ASPA: variants seen among roughly 807,000 people sequenced by gnomAD.
The protein encoded by ASPA is aspartoacylase, also known as ACY-2.
Under a neutral mutation model 29.6 loss-of-function variants are expected in ASPA, and 25 were observed. That is an observed-to-expected ratio of 0.85 (90% CI 0.62 to 1.18). The LOEUF (loss-of-function observed/expected upper bound fraction) is 1.18. Ranked by LOEUF, ASPA falls within the 50% of genes most tolerant of loss-of-function variation. The probability of loss-of-function intolerance (pLI) is 0.00; values close to 1 mark genes in which losing one functional copy is unlikely to be tolerated. For synonymous variants in ASPA, 131 were observed against 130.3 expected (o/e 1.01, Z -0.04); for missense variants, 333 against 385.7 (o/e 0.86, Z 1.14).
intron 4 of ASPA, among the ~76,000 whole-genome samples, chr17:3,491,261 C>A (rs902339754): frequency 6.6e-6 from 1 of 152,066 alleles, no homozygotes; most frequent in Non-Finnish European, 1.5e-5. Flanking sequence ...ACATCAGGGA[C>A]CAAAGTTTTG....
At chr17:3,495,119 TAGG>T in intron 5 of ASPA, among the ~76,000 whole-genome samples, 2 of 150,786 alleles carry the variant, frequency 1.3e-5, no homozygotes, top group East Asian at 3.9e-4. Flanking sequence ...TGAGAGAATG[TAGG>T]AGGTTTAAAT....
At chr17:3,491,609 G>A (rs2073825250) in intron 4 of ASPA, among the ~76,000 whole-genome samples, 1 of 152,062 alleles carries the variant, frequency 6.6e-6, no homozygotes, top group Non-Finnish European at 1.5e-5. Flanking sequence ...TTAGCTGGGT[G>A]TGGTGGCATG....
Position 3,490,294 on chromosome 17 carries a change from G to A in ASPA, c.634+952G>A, listed in dbSNP as rs372838861. 8.1e-4 allele frequency among the ~76,000 whole-genome samples: 124 copies of A among 152,268 alleles called. No homozygotes were observed. Among genetic ancestry groups the A allele is most frequent in the Middle Eastern group, 3.4e-3 (1 of 294 alleles). On this transcript the variant is annotated intron_variant, in intron 4 of 5. Transcript: ENST00000263080. This position sits in a 1 kb window ranked among gnomAD's most constrained non-coding sequence, Gnocchi z 4.6. The stretch of plus-strand genomic sequence containing the variant: ...GGACTGGTGGACAAGGTGGGTATAT[G>A]CAGCTCTATGCACTATCTGCTCATT...
Position 3,503,071 on chromosome 17 carries a change from A to C in ASPA, c.*3983A>C, listed in dbSNP as rs1254559238. On this transcript the variant is annotated 3_prime_UTR_variant, in exon 6 of 6. Transcript: ENST00000263080. ...CGCCGCCCCCTCCCTCTCCAGCCCC[A>C]CCAGGGCCCTCCCCGCCATCCTCTT... 1 of 151,910 alleles carries C rather than the reference A, an allele frequency of 6.6e-6. No individual in the cohort carries two copies. Among genetic ancestry groups the C allele is most frequent in the Non-Finnish European group, 1.5e-5 (1 of 67,984 alleles). The allele number at this position is 151,910 out of a possible 1,614,324, so 9.4% of individuals were successfully genotyped here.
rs1253484850 is a variant in ASPA at position 3,502,337 on chromosome 17, G to C, written c.*3249G>C. On this transcript the variant is annotated 3_prime_UTR_variant, in exon 6 of 6. Transcript: ENST00000263080. ...ACTGGAAAATCAAAAAATATGTGTGGCTCATCTGTTATAATGTTTGTTTTA... is the reference window on the plus strand; with the variant it reads ...ACTGGAAAATCAAAAAATATGTGTGCCTCATCTGTTATAATGTTTGTTTTA... 1 of 152,218 alleles carries C rather than the reference G, an allele frequency of 6.6e-6. No homozygotes were observed. Among genetic ancestry groups the C allele is most frequent in the African/African-American group, 2.4e-5 (1 of 41,444 alleles). 9.4% of individuals were successfully genotyped at this position (152,218 alleles called of 1,614,324 possible). A position where few individuals can be genotyped will look rare whatever the true frequency, so the allele number is the denominator to read the frequency against.
chr17:3,483,397 T>C, intron 2 of ASPA, 102 bp from the exon 3 acceptor site: 1 of 969,090 alleles, frequency 1.0e-6, no homozygotes, highest in East Asian at 2.4e-5. Context: ...CCAATCTTAG[T>C]TGATGAAGTA....
chr17:3,482,662 T>C (rs2073650569), intron 2 of ASPA, among the ~76,000 whole-genome samples: 1 of 152,204 alleles, frequency 6.6e-6, no homozygotes, highest in Admixed American at 6.5e-5. Context: ...ATTTAAAACA[T>C]TTAGCCTCAT....
chr17:3,493,560 C>CAAAAAAAAAAAAA (rs746229421), intron 4 of ASPA, among the ~76,000 whole-genome samples: 1 of 56,370 alleles, frequency 1.8e-5, no homozygotes, highest in African/African-American at 7.4e-5. Flanking sequence ...GGTTCCATCT[C>CAAAAAAAAAAAAA]AAAAAAAAAA....
intron 3 of ASPA, among the ~76,000 whole-genome samples, chr17:3,487,283 TA>T (rs1252987959): frequency 6.6e-6 from 1 of 152,252 alleles, no homozygotes; most frequent in African/African-American, 2.4e-5. Context: ...ATTGTCTCTC[TA>T]ATGTTAAACA....
In ASPA at chr17:3,490,571, T is replaced by C. The variant is rs1473440505; in HGVS notation, c.634+1229T>C. On this transcript the variant is annotated intron_variant, in intron 4 of 5. Transcript: ENST00000263080. This position sits in a 1 kb window ranked among gnomAD's most constrained non-coding sequence, Gnocchi z 4.6. ...CCACTGCAATCACAGACATTCGTTTTGTGCTTGGGAATCCTTTGACTCCAA... is the reference window on the plus strand; with the variant it reads ...CCACTGCAATCACAGACATTCGTTTCGTGCTTGGGAATCCTTTGACTCCAA... Among the ~76,000 whole-genome samples the C allele has an allele frequency of 2.0e-5, 3 of 152,314 alleles. No homozygotes were observed. The highest frequency in any genetic ancestry group is 2.1e-4 in the South Asian group (1 of 4,828).
intron 1 of ASPA, among the ~76,000 whole-genome samples, chr17:3,477,264 T>G (rs2073541574): frequency 6.6e-6 from 1 of 152,220 alleles, no homozygotes; most frequent in Non-Finnish European, 1.5e-5. Flanking sequence ...ATACCAGAGA[T>G]GAGAACTAAA....
chr17:3,482,599 T>G (rs1342694429), intron 2 of ASPA, among the ~76,000 whole-genome samples: 1 of 152,148 alleles, frequency 6.6e-6, no homozygotes, highest in Admixed American at 6.5e-5. Context: ...ATTGGTGTCA[T>G]AACAAACAAC....
chr17:3,489,202 T>C (rs372085439), intron 3 of ASPA, 33 bp from the exon 4 acceptor site: 111 of 1,261,170 alleles, frequency 8.8e-5, no homozygotes, highest in Middle Eastern at 2.6e-4. Context: ...TTCATACTTA[T>C]ATAAATGTGA....
chr17:3,482,202 T>C (rs1338409428), intron 2 of ASPA, among the ~76,000 whole-genome samples: 2 of 152,210 alleles, frequency 1.3e-5, no homozygotes, highest in African/African-American at 4.8e-5. Context: ...TTAAATGGTA[T>C]GGGATCTCAA....
Position 3,485,383 on chromosome 17 carries a change from C to T in ASPA, c.526+1791C>T, listed in dbSNP as rs572355445. 6.6e-6 allele frequency among the ~76,000 whole-genome samples: 1 copy of T among 152,226 alleles called. No homozygotes were observed. The highest frequency in any genetic ancestry group is 2.4e-5 in the African/African-American group (1 of 41,538). On this transcript the variant is annotated intron_variant, in intron 3 of 5. Transcript: ENST00000263080. This position sits in a 1 kb window ranked among gnomAD's most constrained non-coding sequence, Gnocchi z 4.4. Reference sequence around the variant, plus strand: ...TTATCCATTCCTTCCCATGCAGGTTCTATAACTATAACCATATATAAAATA... The same window carrying T: ...TTATCCATTCCTTCCCATGCAGGTTTTATAACTATAACCATATATAAAATA...
chr17:3,486,820 G>GC (rs965785772), intron 3 of ASPA, among the ~76,000 whole-genome samples: 4 of 152,140 alleles, frequency 2.6e-5, no homozygotes, highest in African/African-American at 9.7e-5. Flanking sequence ...ATCTTTATAT[G>GC]CCATCTTTGG....
chr17:3,489,742 A>G (rs766180952), intron 4 of ASPA, among the ~76,000 whole-genome samples: 20 of 152,228 alleles, frequency 1.3e-4, no homozygotes, highest in Admixed American at 4.6e-4. Context: ...GGAAACTCTC[A>G]TTACCTGCTG....
chr17:3,488,442 C>T lies in ASPA; in HGVS notation c.527-793C>T, dbSNP rs150063941. Among the ~76,000 whole-genome samples the T allele has an allele frequency of 3.7e-3, 559 of 152,216 alleles. 5 individuals carry two copies. Among genetic ancestry groups the T allele is most frequent in the African/African-American group, 0.012 (507 of 41,520 alleles). ...GAAGCCGAGAAGGGCAGATTACCTG[C>T]GGTCAGGAGTTTGAGACCAGCCTGA... On this transcript the variant is annotated intron_variant, in intron 3 of 5. Coordinates refer to ENST00000263080, the MANE Select transcript of ASPA (RefSeq NM_000049.4). This position sits in a 1 kb window ranked among gnomAD's most constrained non-coding sequence, Gnocchi z 6.1.
rs1274601424 is a variant in ASPA, at chr17:3,499,108, T to C, written c.*20T>C. On this transcript the variant is annotated 3_prime_UTR_variant, in exon 6 of 6. Coordinates refer to ENST00000263080, the MANE Select transcript of ASPA (RefSeq NM_000049.4). ...CATTAGAAATCACTTCCAGCTTACA[T>C]CTTACACGGTGTCTTACAAATTCTG... is the stretch of plus-strand genomic sequence containing the variant. 5 of 1,608,228 alleles carry C rather than the reference T, an allele frequency of 3.1e-6. No homozygotes were observed. Among genetic ancestry groups the C allele is most frequent in the Non-Finnish European group, 4.2e-6 (5 of 1,176,674 alleles).
Sources: allele counts gnomAD v4.1 joint callset (sites outside exome capture counted in the v4.1 genomes callset), GRCh38; gene constraint gnomAD v4.1.1; non-coding constraint Gnocchi (gnomAD v3.1); transcripts MANE v1.5; gene names NCBI Gene and HGNC (gene_info 2026-07-23, HGNC 2026-07-21).